Variants in ZYG11B observed in about 807,000 individuals in gnomAD.
ZYG11B encodes the protein zyg-11 family member B, cell cycle regulator.
In ZYG11B, 36 loss-of-function variants were observed where a neutral mutation model predicts 82.4. That is an observed-to-expected ratio of 0.44 (90% confidence interval 0.33 to 0.58). ZYG11B has a LOEUF of 0.58. ZYG11B is among the 20% of genes least tolerant of loss of function. The pLI, the probability that ZYG11B is intolerant of heterozygous loss-of-function variation, is 0.02. For synonymous variants in ZYG11B, 303 were observed against 312.8 expected, an observed-to-expected ratio of 0.97 and a Z score of 0.33; for missense variants, 552 against 895.6, an observed-to-expected ratio of 0.62 and a Z score of 4.90.
At chr1:52,799,373 G>C (rs1645055949) in intron 8 of ZYG11B, among the ~76,000 whole-genome samples, 1 of 151,504 alleles carries the variant, frequency 6.6e-6, no homozygotes, top group African/African-American at 2.4e-5. Context: ...TGTAGTCCCA[G>C]CTACTCGGGA....
intron 12 of ZYG11B, among the ~76,000 whole-genome samples, chr1:52,815,720 G>A (rs1327607686): frequency 6.6e-6 from 1 of 152,082 alleles, no homozygotes; most frequent in East Asian, 1.9e-4. Context: ...AGATCACGAG[G>A]TCAGGAGATC....
Position 52,802,146 on chromosome 1 carries a change from T to C in ZYG11B, c.1695+7T>C. On this transcript the variant is annotated splice_region_variant and intron_variant, in intron 10 of 13. Transcript: ENST00000294353. The stretch of plus-strand genomic sequence containing the variant: ...GAAAGTTCTAGGACTTTTGGTAAGA[T>C]ATAAGCACTTCCTGCTAAGTTCCAA... 2 of 1,608,080 alleles carry C rather than the reference T, an allele frequency of 1.2e-6. No individual in the cohort carries two copies. The highest frequency in any genetic ancestry group is 1.7e-6 in the Non-Finnish European group (2 of 1,178,278).
chr1:52,820,780 T>C (rs988255590), intron 13 of ZYG11B, among the ~76,000 whole-genome samples: 3 of 148,646 alleles, frequency 2.0e-5, no homozygotes, highest in Admixed American at 6.7e-5. Context: ...GTATGTGCAG[T>C]ATGAGTGCCA....
intron 10 of ZYG11B, among the ~76,000 whole-genome samples, chr1:52,808,721 A>G (rs1290262288): frequency 6.6e-6 from 1 of 152,126 alleles, no homozygotes; most frequent in East Asian, 1.9e-4. Context: ...TCCTTTGGAG[A>G]CGCTAATTTG....
intron 10 of ZYG11B, among the ~76,000 whole-genome samples, chr1:52,810,708 A>G (rs1645174887): frequency 6.6e-6 from 1 of 152,192 alleles, no homozygotes; most frequent in South Asian, 2.1e-4. Flanking sequence ...CACCTTGGCC[A>G]GAAGCAGGAG....
At chr1:52,727,989 C>A (rs1410604629) in intron 1 of ZYG11B, among the ~76,000 whole-genome samples, 1 of 152,136 alleles carries the variant, frequency 6.6e-6, no homozygotes, top group African/African-American at 2.4e-5. Context: ...ATTATTTAAT[C>A]TATGAATTTT....
intron 2 of ZYG11B, among the ~76,000 whole-genome samples, chr1:52,762,834 G>A (rs1379308637): frequency 6.6e-6 from 1 of 151,984 alleles, no homozygotes; most frequent in African/African-American, 2.4e-5. Flanking sequence ...TGCCAACCTC[G>A]GCCTCCCAAA....
At chr1:52,800,109 C>G (rs55778844) in intron 8 of ZYG11B, among the ~76,000 whole-genome samples, 2 of 150,418 alleles carry the variant, frequency 1.3e-5, no homozygotes, top group Non-Finnish European at 3.0e-5. Context: ...GATTCTGGCT[C>G]TAATAAAAAA....
At chr1:52,813,761 C>T in intron 11 of ZYG11B, 28 bp downstream of exon 11, 2 of 1,613,634 alleles carry the variant, frequency 1.2e-6, no homozygotes, top group Admixed American at 3.3e-5. Flanking sequence ...CAACAAAAGA[C>T]ATTCATAGTG....
chr1:52,770,510 G>T (rs183846002), intron 2 of ZYG11B, among the ~76,000 whole-genome samples: 33 of 152,270 alleles, frequency 2.2e-4, no homozygotes, highest in Admixed American at 2.0e-3. Flanking sequence ...CATAAACTCT[G>T]CAAGTCCATA....
At chr1:52,783,950 A>G (rs557062272) in intron 4 of ZYG11B, among the ~76,000 whole-genome samples, 2 of 143,172 alleles carry the variant, frequency 1.4e-5, no homozygotes, top group Non-Finnish European at 3.0e-5. Context: ...ACATATATGT[A>G]TATATACACA....
chr1:52,737,507 C>G (rs1644387551), intron 1 of ZYG11B, among the ~76,000 whole-genome samples: 1 of 152,130 alleles, frequency 6.6e-6, no homozygotes, highest in African/African-American at 2.4e-5. Context: ...TGGCTCACGC[C>G]TGTAATCTCA....
Position 52,771,066 on chromosome 1 carries a change from G to A in ZYG11B, c.243G>A (p.Met81Ile). 6.2e-7 allele frequency: 1 copy of A among 1,614,062 alleles called. No homozygotes were observed. Among genetic ancestry groups the A allele is most frequent in the Non-Finnish European group, 8.5e-7 (1 of 1,179,958 alleles). ...GTVGIFRGNQMRLKRACIRKA... is the reference protein window; with the variant it reads ...GTVGIFRGNQIRLKRACIRKA... ...TGGGTATTTTTAGGGGCAACCAGATGCGCTTAAAGCGAGCCTGCATTCGCA... is the reference window on the plus strand; with the variant it reads ...TGGGTATTTTTAGGGGCAACCAGATACGCTTAAAGCGAGCCTGCATTCGCA... The change falls in exon 3 of 14, where the codon ATG (methionine) becomes ATA (isoleucine). Residue 81 changes from methionine (M) to isoleucine (I), a missense_variant. Coordinates refer to ENST00000294353, the MANE Select transcript of ZYG11B (RefSeq NM_024646.3). This position sits in a 1 kb window ranked among gnomAD's most constrained non-coding sequence, Gnocchi z 5.4.
At chr1:52,737,375 G>A (rs147598145) in intron 1 of ZYG11B, among the ~76,000 whole-genome samples, 63 of 152,294 alleles carry the variant, frequency 4.1e-4, no homozygotes, top group African/African-American at 1.5e-3. Flanking sequence ...TCTCCAGATT[G>A]TGAGCTCTTT....
chr1:52,742,323 G>A (rs1309202251), intron 1 of ZYG11B, among the ~76,000 whole-genome samples: 1 of 152,008 alleles, frequency 6.6e-6, no homozygotes. Flanking sequence ...ATGATGACAC[G>A]TGCCTGTAGT....
intron 1 of ZYG11B, among the ~76,000 whole-genome samples, chr1:52,728,656 G>C (rs1408481882): frequency 6.6e-6 from 1 of 152,226 alleles, no homozygotes; most frequent in Non-Finnish European, 1.5e-5. Flanking sequence ...TACACTGCTA[G>C]ATTTTTGAAA....
intron 1 of ZYG11B, among the ~76,000 whole-genome samples, chr1:52,743,946 T>G (rs1644455496): frequency 6.6e-6 from 1 of 152,066 alleles, no homozygotes; most frequent in Non-Finnish European, 1.5e-5. Flanking sequence ...CTTTCTTTTT[T>G]TTTTGAGACA....
rs1644283598 is a variant in ZYG11B at position 52,726,461 on chromosome 1, C to T, written c.-193C>T. 4.2e-6 allele frequency: 2 copies of T among 478,562 alleles called. No individual in the cohort carries two copies. Among genetic ancestry groups the T allele is most frequent in the Non-Finnish European group, 6.6e-6 (2 of 302,658 alleles). The allele number at this position is 478,562 out of a possible 1,614,324, so 29.6% of individuals were successfully genotyped here. ...CGGGTCCTCGCGGGGGCGGAGTCTG[C>T]GCTCTGGTTCGGGCTGCGGCTGCGG... On this transcript the variant is annotated 5_prime_UTR_variant, in exon 1 of 14. Coordinates refer to ENST00000294353, the MANE Select transcript of ZYG11B (RefSeq NM_024646.3).
chr1:52,740,323 T>C (rs1644413376), intron 1 of ZYG11B, among the ~76,000 whole-genome samples: 1 of 152,206 alleles, frequency 6.6e-6, no homozygotes, highest in Non-Finnish European at 1.5e-5. Flanking sequence ...TAGGTAGAAC[T>C]CTACCTCCTT....
Sources: gnomAD v4.1 joint callset for allele counts (sites outside exome capture counted in the v4.1 genomes callset) on GRCh38, gnomAD v4.1.1 for gene constraint, Gnocchi (gnomAD v3.1) non-coding constraint, MANE v1.5 for transcripts, NCBI Gene and HGNC (gene_info 2026-07-23, HGNC 2026-07-21) for gene names.